Variants in RBMS3 observed in about 807,000 individuals in gnomAD.
The protein encoded by RBMS3 is RNA binding motif single stranded interacting protein 3.
Under a neutral mutation model 66.8 loss-of-function variants are expected in RBMS3, and 27 were observed. That is an observed-to-expected ratio of 0.40 (90% CI 0.30 to 0.56). The LOEUF (loss-of-function observed/expected upper bound fraction) is 0.56, where lower values mean the gene tolerates loss of function less well. RBMS3 is among the 20% of genes least tolerant of loss of function. The pLI is 0.40. For synonymous variants in RBMS3, 188 were observed against 183.0 expected (o/e 1.03, Z -0.22); for missense variants, 513 against 549.5 (o/e 0.93, Z 0.66).
chr3:29,605,721 C>T (rs2048300194), intron 4 of RBMS3, among the ~76,000 whole-genome samples: 1 of 151,792 alleles, frequency 6.6e-6, no homozygotes, highest in Non-Finnish European at 1.5e-5. Context: ...AACAGTACAG[C>T]TTTGGGACCC....
At chr3:29,648,398 G>A (rs1245294873) in intron 4 of RBMS3, among the ~76,000 whole-genome samples, 1 of 150,238 alleles carries the variant, frequency 6.7e-6, no homozygotes, top group Non-Finnish European at 1.5e-5. Flanking sequence ...CAGACCCCCG[G>A]AGTAGCTGGG....
At chr3:29,692,131 G>T (rs1400234965) in intron 4 of RBMS3, among the ~76,000 whole-genome samples, 1 of 151,360 alleles carries the variant, frequency 6.6e-6, no homozygotes, top group South Asian at 2.1e-4. Context: ...ACAGATGCCT[G>T]CCACTATGCC....
chr3:29,311,368 G>T (rs1352408966), intron 1 of RBMS3, among the ~76,000 whole-genome samples: 1 of 151,684 alleles, frequency 6.6e-6, no homozygotes, highest in African/African-American at 2.4e-5. Flanking sequence ...ACGCTCTATA[G>T]CCAGCCCTCA....
chr3:29,555,794 C>T (rs910894531), intron 3 of RBMS3, among the ~76,000 whole-genome samples: 1 of 152,134 alleles, frequency 6.6e-6, no homozygotes, highest in African/African-American at 2.4e-5. Flanking sequence ...GACCAGGATA[C>T]CATGCTATTG....
chr3:29,866,258 G>A (rs747732108), intron 6 of RBMS3, among the ~76,000 whole-genome samples: 15 of 152,024 alleles, frequency 9.9e-5, no homozygotes, highest in Non-Finnish European at 1.8e-4. Flanking sequence ...TGTATATTGG[G>A]AATATGTACA....
chr3:29,825,145 C>A (rs934411011), intron 6 of RBMS3, among the ~76,000 whole-genome samples: 1 of 151,734 alleles, frequency 6.6e-6, no homozygotes. Flanking sequence ...AAGCAATTCT[C>A]CTGCCTCAGC....
At chr3:29,573,932 A>AT (rs2047023737) in intron 3 of RBMS3, among the ~76,000 whole-genome samples, 2 of 152,108 alleles carry the variant, frequency 1.3e-5, no homozygotes, top group Admixed American at 6.5e-5. Context: ...GATACTTGAT[A>AT]TTTTTTCCAT....
chr3:29,706,928 T>A (rs79526518), intron 4 of RBMS3, among the ~76,000 whole-genome samples: 1 of 152,292 alleles, frequency 6.6e-6, no homozygotes, highest in African/African-American at 2.4e-5. Flanking sequence ...TAAAAGATGG[T>A]TTGCTACTTA....
intron 6 of RBMS3, among the ~76,000 whole-genome samples, chr3:29,771,586 T>A (rs1303368461): frequency 6.6e-6 from 1 of 152,070 alleles, no homozygotes; most frequent in Non-Finnish European, 1.5e-5. Context: ...GAATTAAGGT[T>A]GCTAATAAAC....
chr3:29,614,227 A>G (rs574098362), intron 4 of RBMS3, among the ~76,000 whole-genome samples: 2 of 152,258 alleles, frequency 1.3e-5, no homozygotes, highest in South Asian at 2.1e-4. Context: ...GCACAGAAAA[A>G]CAAATACTGC....
chr3:29,892,364 A>G (rs2060019985), intron 8 of RBMS3, among the ~76,000 whole-genome samples: 1 of 151,598 alleles, frequency 6.6e-6, no homozygotes, highest in Non-Finnish European at 1.5e-5. Flanking sequence ...TCATGCTACT[A>G]CCGTTCAGGA....
intron 2 of RBMS3, among the ~76,000 whole-genome samples, chr3:29,474,187 A>G (rs1214310666): frequency 6.6e-6 from 1 of 152,238 alleles, no homozygotes; most frequent in Non-Finnish European, 1.5e-5. Flanking sequence ...TGTAGACCAT[A>G]CACTTTTGTT....
chr3:29,811,112 A>G (rs970664635), intron 6 of RBMS3, among the ~76,000 whole-genome samples: 1 of 152,190 alleles, frequency 6.6e-6, no homozygotes, highest in African/African-American at 2.4e-5. Flanking sequence ...GGGGTAAAAA[A>G]GAAGGAAGAA....
In RBMS3 at chr3:29,766,780, G is replaced by A. The variant is rs542371116; in HGVS notation, c.637+3791G>A. ...TCAAATTATTGAGTACTAGTATACA[G>A]GAAGTTAACAAAGATCAGTCACATG... On this transcript the variant is annotated intron_variant, in intron 6 of 14. Transcript: ENST00000383767. 176 of 152,000 alleles carry A rather than the reference G, an allele frequency of 1.2e-3. 1 individual carries two copies. The highest frequency in any genetic ancestry group is 4.1e-3 in the African/African-American group (170 of 41,492). 9.4% of individuals were successfully genotyped at this position (152,000 alleles called of 1,614,324 possible).
chr3:29,890,918 G>A (rs776116581), intron 8 of RBMS3, among the ~76,000 whole-genome samples: 11 of 151,112 alleles, frequency 7.3e-5, no homozygotes, highest in African/African-American at 1.2e-4. Context: ...CCATAGGACC[G>A]TGGAGGAGAG....
intron 6 of RBMS3, among the ~76,000 whole-genome samples, chr3:29,827,547 A>G (rs1324606605): frequency 1.3e-5 from 2 of 152,130 alleles, no homozygotes; most frequent in African/African-American, 2.4e-5. Context: ...CCAGTTATTC[A>G]TATCTCCTGA....
At chr3:29,416,698 A>T (rs147999340) in intron 1 of RBMS3, among the ~76,000 whole-genome samples, 1 of 152,112 alleles carries the variant, frequency 6.6e-6, no homozygotes, top group East Asian at 1.9e-4. Flanking sequence ...CATACTCCTC[A>T]CTGTACCAGT....
chr3:29,415,282 C>T (rs555894485), intron 1 of RBMS3, among the ~76,000 whole-genome samples: 1 of 152,242 alleles, frequency 6.6e-6, no homozygotes, highest in African/African-American at 2.4e-5. Flanking sequence ...CTCAGGCGTG[C>T]ATCAGGAAGC....
rs904157018 is a variant in RBMS3 at position 29,513,975 on chromosome 3, G to A, written c.307+25476G>A. Among the ~76,000 whole-genome samples the A allele has an allele frequency of 9.2e-5, 14 of 152,104 alleles. 1 individual carries two copies. The South Asian group carries it at 2.3e-3, about 25-fold the overall frequency. On this transcript the variant is annotated intron_variant, in intron 3 of 14. Transcript: ENST00000383767. Reference sequence around the variant, plus strand: ...AGAATCATATTCATAACTCTCTAAAGCATTCTCTGCCCTTGCTTTCTCTAC... The same window carrying A: ...AGAATCATATTCATAACTCTCTAAAACATTCTCTGCCCTTGCTTTCTCTAC...
Sources: gnomAD v4.1 joint callset for allele counts (sites outside exome capture counted in the v4.1 genomes callset) on GRCh38, gnomAD v4.1.1 for gene constraint, MANE v1.5 for transcripts, NCBI Gene and HGNC (gene_info 2026-07-23, HGNC 2026-07-21) for gene names.